Variants in CHD8 observed in about 807,000 individuals in gnomAD.
The protein encoded by CHD8 is chromodomain helicase DNA binding protein 8.
A neutral mutation model predicts 279.2 loss-of-function variants in CHD8; 31 were observed. That is an observed-to-expected ratio of 0.11 (90% CI 0.08 to 0.15). CHD8 has a LOEUF of 0.15. Ranked by LOEUF, CHD8 falls within the 10% of genes least tolerant of loss-of-function variation. The probability of loss-of-function intolerance (pLI) is 1.00; values close to 1 mark genes in which losing one functional copy is unlikely to be tolerated. For synonymous variants in CHD8, 1,081 were observed against 1,139.6 expected (o/e 0.95, Z 1.04); for missense variants, 2,146 against 3,230.5 (o/e 0.66, Z 8.14).
rs1226022688 is a variant in CHD8 at position 21,391,849 on chromosome 14, C to T, written c.6869G>A (p.Arg2290Lys). 6.2e-6 allele frequency: 10 copies of T among 1,611,724 alleles called. No homozygotes were observed. The highest frequency in any genetic ancestry group is 7.6e-6 in the Non-Finnish European group (9 of 1,177,938). ...HPLFHKKKGNRKKLVELEVEC... is the reference protein window; with the variant it reads ...HPLFHKKKGNKKKLVELEVEC... ...ACCACTCACCTCTACTAGCTTCTTT[C>T]TGTTCCCCTTCTTCTTATGAAACAG... The change falls in exon 35 of 38, where the codon AGA (arginine) becomes AAA (lysine). Residue 2290 changes from arginine (R) to lysine (K), a missense_variant. This residue lies in a region of CHD8 where 336 missense variants were observed against 392.9 expected (regional missense o/e 0.86). Coordinates refer to ENST00000646647, the MANE Select transcript of CHD8 (RefSeq NM_001170629.2).
intron 5 of CHD8, 144 bp from the exon 6 acceptor site, chr14:21,416,051 TGTCA>T (rs1888709730): frequency 4.4e-6 from 3 of 685,850 alleles, no homozygotes; most frequent in Non-Finnish European, 7.5e-6. Context: ...GGAGATTATC[TGTCA>T]AACAATGTGA....
chr14:21,447,864 T>C (rs1259014926), intron 1 of CHD8, among the ~76,000 whole-genome samples: 1 of 152,170 alleles, frequency 6.6e-6, no homozygotes, highest in African/African-American at 2.4e-5. Flanking sequence ...TCTGGAGAAG[T>C]TGCTCTTCAC....
At chr14:21,446,314 CTTCTTT>C (rs1890119392) in intron 1 of CHD8, among the ~76,000 whole-genome samples, 1 of 66,424 alleles carries the variant, frequency 1.5e-5, no homozygotes, top group Non-Finnish European at 3.2e-5. Context: ...TTTTCTTCTT[CTTCTTT>C]TTTTTTTTTT....
At chr14:21,424,901 C>G (rs963627291) in intron 5 of CHD8, among the ~76,000 whole-genome samples, 6 of 152,144 alleles carry the variant, frequency 3.9e-5, no homozygotes, top group African/African-American at 1.4e-4. Flanking sequence ...TTCATTTAGT[C>G]CAAATCTCCA....
At chr14:21,436,561 G>A (rs1198866272) in intron 1 of CHD8, among the ~76,000 whole-genome samples, 1 of 152,158 alleles carries the variant, frequency 6.6e-6, no homozygotes, top group Non-Finnish European at 1.5e-5. Context: ...AGTAGATCAA[G>A]ATCCTAGGCC....
intron 1 of CHD8, among the ~76,000 whole-genome samples, chr14:21,432,334 AC>A (rs1889598651): frequency 6.6e-6 from 1 of 152,114 alleles, no homozygotes; most frequent in African/African-American, 2.4e-5. Context: ...AAAAATAACC[AC>A]CTTTAACCAA....
chr14:21,434,648 T>A (rs1889705255), intron 1 of CHD8, among the ~76,000 whole-genome samples: 1 of 152,162 alleles, frequency 6.6e-6, no homozygotes, highest in Admixed American at 6.6e-5. Flanking sequence ...TCTAGTTCGG[T>A]CTATGCCTAA....
intron 21 of CHD8, 92 bp from the exon 22 acceptor site, chr14:21,401,163 T>A: frequency 9.8e-7 from 1 of 1,017,794 alleles, no homozygotes; most frequent in Non-Finnish European, 1.4e-6. Flanking sequence ...ACATTGGATG[T>A]AACGTGTAGA....
rs376242065 is a variant in CHD8 at position 21,403,225 on chromosome 14, C to T, written c.3519-13G>A. 4.0e-5 allele frequency: 64 copies of T among 1,605,138 alleles called. No individual in the cohort carries two copies. In the South Asian group the frequency reaches 5.3e-4, roughly 13 times the overall value. On this transcript the variant is annotated splice_polypyrimidine_tract_variant and intron_variant, in intron 17 of 37. Coordinates refer to ENST00000646647, the MANE Select transcript of CHD8 (RefSeq NM_001170629.2). This position sits in a 1 kb window ranked among gnomAD's most constrained non-coding sequence, Gnocchi z 4.3. ...TTCATATAAGTACCTGTATGGGAATCGCAGAAAAAAAATGTAAGTGGCTAA... is the reference window on the plus strand; with the variant it reads ...TTCATATAAGTACCTGTATGGGAATTGCAGAAAAAAAATGTAAGTGGCTAA...
chr14:21,413,119 G>C, intron 9 of CHD8, 123 bp from the exon 10 acceptor site: 1 of 679,210 alleles, frequency 1.5e-6, no homozygotes, highest in South Asian at 1.7e-5. Flanking sequence ...GAAGCTATCC[G>C]ATGGGTGTTC....
intron 5 of CHD8, among the ~76,000 whole-genome samples, chr14:21,420,738 C>A (rs956380510): frequency 3.3e-5 from 5 of 151,812 alleles, no homozygotes. Flanking sequence ...GTAACAGAGG[C>A]TACCTGTTGT....
intron 26 of CHD8, chr14:21,398,998 AT>A: frequency 2.4e-6 from 1 of 416,468 alleles, no homozygotes; most frequent in South Asian, 2.0e-5. Flanking sequence ...ACCAGTGAAA[AT>A]GTCAAAGCCA....
At chr14:21,393,304 C>T in intron 32 of CHD8, 50 bp from the exon 33 acceptor site, 1 of 1,608,064 alleles carries the variant, frequency 6.2e-7, no homozygotes, top group South Asian at 1.1e-5. Context: ...AGAATAATGT[C>T]ATATGGTAAT....
chr14:21,430,016 C>T (rs1282988698), intron 2 of CHD8: 2 of 153,710 alleles, frequency 1.3e-5, no homozygotes, highest in Non-Finnish European at 2.9e-5. Context: ...TCTAATGCAG[C>T]AGTTCATTTT....
In CHD8 at chr14:21,446,609, G is replaced by A. The variant is rs376494898; in HGVS notation, c.-216+9423C>T. ...TACTTTGGCGTGAGCCACAGCTCCT[G>A]GCTTCTTATTTAATTTTCTTAACAA... On this transcript the variant is annotated intron_variant, in intron 1 of 37. Coordinates refer to ENST00000646647, the MANE Select transcript of CHD8 (RefSeq NM_001170629.2). Among the ~76,000 whole-genome samples, 9 of 152,184 alleles carry A rather than the reference G, an allele frequency of 5.9e-5. No individual in the cohort carries two copies. The East Asian group carries it at 1.7e-3, about 29-fold the overall frequency.
intron 1 of CHD8, among the ~76,000 whole-genome samples, chr14:21,442,852 GAAGA>G (rs1391235778): frequency 6.7e-6 from 1 of 148,732 alleles, no homozygotes; most frequent in African/African-American, 2.5e-5. Context: ...GGAAAGAAAG[GAAGA>G]AAGAAAGAGA....
intron 37 of CHD8, among the ~76,000 whole-genome samples, chr14:21,390,100 G>A (rs905707609): frequency 6.6e-6 from 1 of 152,124 alleles, no homozygotes; most frequent in African/African-American, 2.4e-5. Context: ...GCCTGGCCTG[G>A]TGGTGCACGC....
rs1887206669 is a variant in CHD8, at chr14:21,385,933, C to A, written c.7426G>T (p.Val2476Leu). The A allele has an allele frequency of 1.9e-6, 3 of 1,554,162 alleles. No homozygotes were observed. The highest frequency in any genetic ancestry group is 1.7e-4 in the Middle Eastern group (1 of 5,998). ...GGGGATGATGGTGCACCACCCATCA[C>A]AAATGGCATAAAAGGCAAAGATGCA... Reference protein sequence around the residue: ...TSASLPFMPFVMGGAPSSPHV... With the variant: ...TSASLPFMPFLMGGAPSSPHV... Residue 2476 changes from valine to leucine, a missense_variant, in exon 38 of 38, where the codon GTG (valine) becomes TTG (leucine). Coordinates refer to ENST00000646647, the MANE Select transcript of CHD8 (RefSeq NM_001170629.2).
intron 1 of CHD8, among the ~76,000 whole-genome samples, chr14:21,444,527 T>C (rs1013407033): frequency 6.6e-6 from 1 of 152,148 alleles, no homozygotes; most frequent in Non-Finnish European, 1.5e-5. Flanking sequence ...CTGCTCTAGA[T>C]GTTCTATGTC....
Sources: allele counts gnomAD v4.1 joint callset (sites outside exome capture counted in the v4.1 genomes callset), GRCh38; gene constraint gnomAD v4.1.1; regional missense constraint gnomAD v4.1.1; non-coding constraint Gnocchi (gnomAD v3.1); transcripts MANE v1.5; gene names NCBI Gene and HGNC (gene_info 2026-07-23, HGNC 2026-07-21).